The following FSTL5 variants were observed in gnomAD, a reference collection of about 807,000 sequenced individuals.
FSTL5 encodes follistatin-related protein 5.
In FSTL5, 62 loss-of-function variants were observed where a neutral mutation model predicts 89.1. That is an observed-to-expected ratio of 0.70 (90% CI 0.57 to 0.86). The LOEUF is 0.86. Among genes scored for constraint, FSTL5 ranks in the 40% least tolerant of loss-of-function variants. FSTL5 has a pLI of 0.00. For synonymous variants in FSTL5, 383 were observed against 346.2 expected (o/e 1.11, Z -1.18); for missense variants, 1,057 against 1,001.6 (o/e 1.06, Z -0.75).
At chr4:161,707,806 T>C (rs1278705973) in intron 6 of FSTL5, among the ~76,000 whole-genome samples, 1 of 151,894 alleles carries the variant, frequency 6.6e-6, no homozygotes, top group Non-Finnish European at 1.5e-5. Flanking sequence ...AAAACAAAAC[T>C]AACAGAATTT....
chr4:161,942,059 A>G (rs1159499199), intron 3 of FSTL5, among the ~76,000 whole-genome samples: 1 of 152,002 alleles, frequency 6.6e-6, no homozygotes, highest in Non-Finnish European at 1.5e-5. Flanking sequence ...AGAAGAAATC[A>G]AAAGAGATAT....
intron 4 of FSTL5, among the ~76,000 whole-genome samples, chr4:161,810,680 C>T (rs931095379): frequency 2.0e-5 from 3 of 152,276 alleles, no homozygotes; most frequent in Non-Finnish European, 2.9e-5. Flanking sequence ...GTGAGAAAGA[C>T]AACACTTACT....
chr4:161,491,513 C>T (rs1044810459), intron 12 of FSTL5, among the ~76,000 whole-genome samples: 5 of 151,836 alleles, frequency 3.3e-5, no homozygotes, highest in African/African-American at 1.2e-4. Context: ...GAACTGATCG[C>T]TTCTTTTTCA....
chr4:161,689,313 T>C (rs1170248797), intron 6 of FSTL5, among the ~76,000 whole-genome samples: 1 of 152,128 alleles, frequency 6.6e-6, no homozygotes, highest in Non-Finnish European at 1.5e-5. Context: ...AAAGGGCTTT[T>C]AGTTTCTATT....
At chr4:161,906,357 T>C (rs988904827) in intron 4 of FSTL5, among the ~76,000 whole-genome samples, 2 of 152,162 alleles carry the variant, frequency 1.3e-5, no homozygotes, top group South Asian at 2.1e-4. Context: ...GGTGAAAAGA[T>C]ATGGTTTTGA....
At chr4:161,623,936 G>T (rs1194590802) in intron 7 of FSTL5, among the ~76,000 whole-genome samples, 3 of 151,874 alleles carry the variant, frequency 2.0e-5, no homozygotes, top group Non-Finnish European at 2.9e-5. Flanking sequence ...TCTTTTTAAA[G>T]AAATTTATAT....
At chr4:162,153,632 A>AATAATATATGTAT (rs1733317085) in intron 1 of FSTL5, among the ~76,000 whole-genome samples, 1 of 64,898 alleles carries the variant, frequency 1.5e-5, no homozygotes, top group Non-Finnish European at 3.6e-5. Context: ...ATATGTATAT[A>AATAATATATGTAT]ATAATATATG....
chr4:162,150,054 T>C (rs573021017), intron 1 of FSTL5, among the ~76,000 whole-genome samples: 130 of 152,312 alleles, frequency 8.5e-4, no homozygotes, highest in African/African-American at 2.7e-3. Context: ...CTAAAGAATA[T>C]TGGCTAATCA....
chr4:161,692,792 C>T (rs573787577), intron 6 of FSTL5, among the ~76,000 whole-genome samples: 23 of 152,188 alleles, frequency 1.5e-4, no homozygotes, highest in African/African-American at 5.1e-4. Flanking sequence ...GGCGCTATCT[C>T]GGCTCACTGC....
At chr4:162,013,446 G>A (rs1736827628) in intron 3 of FSTL5, among the ~76,000 whole-genome samples, 1 of 152,080 alleles carries the variant, frequency 6.6e-6, no homozygotes. Context: ...ATGTTACGTA[G>A]CAAAATAAAA....
chr4:161,400,939 C>A (rs1731161364), intron 15 of FSTL5, among the ~76,000 whole-genome samples: 1 of 152,088 alleles, frequency 6.6e-6, no homozygotes, highest in Non-Finnish European at 1.5e-5. Flanking sequence ...TCCAACCCAG[C>A]ATTAACTAAT....
intron 3 of FSTL5, among the ~76,000 whole-genome samples, chr4:161,980,793 T>A (rs1027644005): frequency 4.5e-4 from 57 of 126,020 alleles, no homozygotes; most frequent in Admixed American, 3.8e-3. Flanking sequence ...TTTTTTTTTT[T>A]AGAGACAGAG....
intron 7 of FSTL5, among the ~76,000 whole-genome samples, chr4:161,599,771 T>A (rs937617142): frequency 6.6e-6 from 1 of 152,174 alleles, no homozygotes; most frequent in African/African-American, 2.4e-5. Context: ...AGATTTGCTA[T>A]AATTTCTTTT....
chr4:162,001,872 T>C (rs1277068546), intron 3 of FSTL5, among the ~76,000 whole-genome samples: 1 of 152,124 alleles, frequency 6.6e-6, no homozygotes, highest in Admixed American at 6.6e-5. Context: ...TTCTTTAAAA[T>C]TCTGTGTGTA....
intron 5 of FSTL5, among the ~76,000 whole-genome samples, chr4:161,773,740 G>A (rs950982182): frequency 8.5e-5 from 13 of 152,118 alleles, no homozygotes; most frequent in Admixed American, 8.5e-4. Flanking sequence ...ACCGCTGGTG[G>A]GAAACGTAAA....
At position 161,969,124 on chromosome 4, in the gene FSTL5, A is replaced by G. The variant is rs922907146; in HGVS notation, c.161-48472T>C. On this transcript the variant is annotated intron_variant, in intron 3 of 15. Transcript: ENST00000306100. ...GGGGCTTTATTTTTTGGAATTATAT[A>G]CCCTACCTAGATGTGAAAAAGAAAA... is the stretch of plus-strand genomic sequence containing the variant. Among the ~76,000 whole-genome samples the G allele has an allele frequency of 2.0e-5, 3 of 152,002 alleles. No individual in the cohort carries two copies. The East Asian group carries it at 5.8e-4, about 29-fold the overall frequency.
At chr4:161,459,912 G>C (rs1288839774) in intron 13 of FSTL5, among the ~76,000 whole-genome samples, 1 of 151,132 alleles carries the variant, frequency 6.6e-6, no homozygotes, top group Non-Finnish European at 1.5e-5. Context: ...CACCATGCTT[G>C]GTATGAAAAT....
chr4:162,065,837 A>G (rs1424980399), intron 2 of FSTL5, among the ~76,000 whole-genome samples: 1 of 152,106 alleles, frequency 6.6e-6, no homozygotes, highest in Non-Finnish European at 1.5e-5. Context: ...TCATTATGAA[A>G]TGACGGTCTT....
intron 6 of FSTL5, among the ~76,000 whole-genome samples, chr4:161,753,049 T>C (rs1740454626): frequency 1.3e-5 from 2 of 152,302 alleles, no homozygotes; most frequent in East Asian, 3.9e-4. Context: ...TATTTTGTTA[T>C]GATATCCACT....
Sources: allele counts gnomAD v4.1 joint callset (sites outside exome capture counted in the v4.1 genomes callset), GRCh38; gene constraint gnomAD v4.1.1; transcripts MANE v1.5; gene names NCBI Gene and HGNC (gene_info 2026-07-23, HGNC 2026-07-21).